CLSTN2: variants seen among roughly 807,000 people sequenced by gnomAD.
The protein encoded by CLSTN2 is calsyntenin-2.
Under a neutral mutation model 101.2 loss-of-function variants are expected in CLSTN2, and 48 were observed. That is an observed-to-expected ratio of 0.47 (90% CI 0.38 to 0.60). The LOEUF is 0.60. Ranked by LOEUF, CLSTN2 falls within the 20% of genes least tolerant of loss-of-function variation. CLSTN2 has a pLI of 0.00. For synonymous variants in CLSTN2, 481 were observed against 463.6 expected, an observed-to-expected ratio of 1.04 and a Z score of -0.48; for missense variants, 1,160 against 1,238.2, an observed-to-expected ratio of 0.94 and a Z score of 0.95.
chr3:140,199,546 AGGG>A (rs1158374502), intron 2 of CLSTN2, among the ~76,000 whole-genome samples: 1 of 152,222 alleles, frequency 6.6e-6, no homozygotes, highest in Non-Finnish European at 1.5e-5. Flanking sequence ...AAGAATCATC[AGGG>A]GTGCTTATCA....
chr3:140,399,324 A>G (rs2088216515), intron 2 of CLSTN2, among the ~76,000 whole-genome samples: 1 of 152,382 alleles, frequency 6.6e-6, no homozygotes, highest in East Asian at 1.9e-4. Context: ...AAGTTCTTGT[A>G]TAAGACATAA....
At chr3:140,493,992 C>CT (rs945942584) in intron 8 of CLSTN2, among the ~76,000 whole-genome samples, 9 of 152,076 alleles carry the variant, frequency 5.9e-5, no homozygotes, top group African/African-American at 2.2e-4. Context: ...CACAGAATGT[C>CT]TTTTTTTGAA....
At chr3:140,092,946 G>C (rs2008805886) in intron 1 of CLSTN2, among the ~76,000 whole-genome samples, 1 of 152,218 alleles carries the variant, frequency 6.6e-6, no homozygotes, top group South Asian at 2.1e-4. Context: ...TGAGGGGTGA[G>C]TGGATGGAGG....
intron 2 of CLSTN2, 103 bp downstream of exon 2, chr3:140,176,176 C>A: frequency 8.0e-7 from 1 of 1,252,920 alleles, no homozygotes; most frequent in Non-Finnish European, 1.1e-6. Context: ...TGTCACCACC[C>A]TGTGCATCTC....
At chr3:140,103,048 A>G (rs2008994852) in intron 1 of CLSTN2, among the ~76,000 whole-genome samples, 1 of 152,182 alleles carries the variant, frequency 6.6e-6, no homozygotes, top group Non-Finnish European at 1.5e-5. Flanking sequence ...AGAATAGCTC[A>G]ACAATTAAAG....
At chr3:140,521,136 A>C (rs961155396) in intron 8 of CLSTN2, among the ~76,000 whole-genome samples, 26 of 146,432 alleles carry the variant, frequency 1.8e-4, no homozygotes, top group African/African-American at 6.6e-4. Flanking sequence ...GCCTACTTCT[A>C]TCAGTCCAGC....
intron 1 of CLSTN2, among the ~76,000 whole-genome samples, chr3:140,052,376 T>C (rs910436795): frequency 1.3e-5 from 2 of 152,164 alleles, no homozygotes; most frequent in African/African-American, 4.8e-5. Flanking sequence ...CAGGCTGGCC[T>C]CTAACTCCTG....
At chr3:140,465,292 A>G (rs1447022066) in intron 7 of CLSTN2, among the ~76,000 whole-genome samples, 2 of 152,200 alleles carry the variant, frequency 1.3e-5, no homozygotes, top group East Asian at 3.9e-4. Flanking sequence ...ATTAGCAAAT[A>G]TGGCCGCACA....
intron 2 of CLSTN2, among the ~76,000 whole-genome samples, chr3:140,362,179 G>A (rs1254099816): frequency 6.6e-6 from 1 of 152,138 alleles, no homozygotes; most frequent in African/African-American, 2.4e-5. Context: ...TTATGATCAA[G>A]TGACTTTCAA....
intron 2 of CLSTN2, among the ~76,000 whole-genome samples, chr3:140,368,071 A>G (rs1432969034): frequency 1.3e-5 from 2 of 152,180 alleles, no homozygotes; most frequent in Admixed American, 1.3e-4. Context: ...TATTTATTCC[A>G]GTGCATCTTT....
chr3:140,121,431 G>T (rs1349358397), intron 1 of CLSTN2, among the ~76,000 whole-genome samples: 3 of 152,324 alleles, frequency 2.0e-5, no homozygotes, highest in Middle Eastern at 3.4e-3. Flanking sequence ...GCCCAGAGTG[G>T]TGGAGCAGGG....
chr3:140,216,509 T>C (rs1297106101), intron 2 of CLSTN2, among the ~76,000 whole-genome samples: 1 of 152,174 alleles, frequency 6.6e-6, no homozygotes, highest in Non-Finnish European at 1.5e-5. Context: ...TCCTCCCCTT[T>C]AAGCTTTTCC....
intron 1 of CLSTN2, among the ~76,000 whole-genome samples, chr3:140,065,200 C>A (rs1297172673): frequency 3.9e-5 from 6 of 152,242 alleles, no homozygotes; most frequent in South Asian, 2.1e-4. Flanking sequence ...CTTCACCTGA[C>A]TTCACCTGCA....
chr3:140,133,081 C>T (rs1422818287), intron 1 of CLSTN2, among the ~76,000 whole-genome samples: 1 of 152,170 alleles, frequency 6.6e-6, no homozygotes, highest in Non-Finnish European at 1.5e-5. Context: ...AGCATCTGTT[C>T]AGCTTCTGCA....
chr3:140,516,918 A>G (rs1340081765), intron 8 of CLSTN2, among the ~76,000 whole-genome samples: 1 of 152,206 alleles, frequency 6.6e-6, no homozygotes, highest in African/African-American at 2.4e-5. Flanking sequence ...TATTCCTTCA[A>G]ATACGTTTTC....
At chr3:140,217,037 G>A (rs1362428285) in intron 2 of CLSTN2, among the ~76,000 whole-genome samples, 9 of 152,224 alleles carry the variant, frequency 5.9e-5, no homozygotes, top group Middle Eastern at 3.4e-3. Flanking sequence ...CCAAGATCAC[G>A]CTGCTGAAAT....
chr3:139,998,107 G>C (rs2006722231), intron 1 of CLSTN2, among the ~76,000 whole-genome samples: 1 of 152,090 alleles, frequency 6.6e-6, no homozygotes, highest in East Asian at 1.9e-4. Flanking sequence ...TGAGAATTAA[G>C]AGAAAGTCAT....
At chr3:140,380,035 T>C (rs532027086) in intron 2 of CLSTN2, among the ~76,000 whole-genome samples, 10 of 152,224 alleles carry the variant, frequency 6.6e-5, no homozygotes, top group Non-Finnish European at 1.2e-4. Flanking sequence ...CTATAAGTGA[T>C]ACTGAATCCA....
chr3:140,181,141 C>T (rs2010401703), intron 2 of CLSTN2, among the ~76,000 whole-genome samples: 1 of 152,196 alleles, frequency 6.6e-6, no homozygotes, highest in Non-Finnish European at 1.5e-5. Flanking sequence ...GCTGTATGAT[C>T]TCAGATAAGT....
Sources: allele counts gnomAD v4.1 joint callset (sites outside exome capture counted in the v4.1 genomes callset), GRCh38; gene constraint gnomAD v4.1.1; transcripts MANE v1.5; gene names NCBI Gene and HGNC (gene_info 2026-07-23, HGNC 2026-07-21).